The following SLC16A1 variants were observed in gnomAD, a reference collection of about 807,000 sequenced individuals.
SLC16A1 encodes the protein monocarboxylate transporter 1.
Under a neutral mutation model 32.2 loss-of-function variants are expected in SLC16A1, and 11 were observed. The observed-to-expected ratio is 0.34, with a 90% CI of 0.21 to 0.56. The LOEUF is 0.56. Ranked by LOEUF, SLC16A1 falls within the 20% of genes least tolerant of loss-of-function variation. SLC16A1 has a pLI of 0.87. For missense variants in SLC16A1, 435 were observed against 615.0 expected (o/e 0.71, Z 3.10); for synonymous variants, 231 against 226.8 (o/e 1.02, Z -0.17).
Position 112,913,862 on chromosome 1 carries a change from T to G in SLC16A1, c.*29A>C, listed in dbSNP as rs781372315. On this transcript the variant is annotated 3_prime_UTR_variant, in exon 5 of 5. Transcript: ENST00000369626. Reference sequence around the variant, plus strand: ...TTTTCAGATATCCTGGGTCATGAACTGCTCAATTTACCCTTCAGCCCCATG... The same window carrying G: ...TTTTCAGATATCCTGGGTCATGAACGGCTCAATTTACCCTTCAGCCCCATG... The G allele has an allele frequency of 6.2e-7, 1 of 1,613,894 alleles. No homozygotes were observed. Among genetic ancestry groups the G allele is most frequent in the Non-Finnish European group, 8.5e-7 (1 of 1,179,754 alleles).
intron 2 of SLC16A1, chr1:112,923,790 T>C: frequency 6.7e-7 from 1 of 1,496,998 alleles, no homozygotes; most frequent in Non-Finnish European, 9.3e-7. Context: ...CTATGCCACC[T>C]GGGAAGTGGC....
At chr1:112,914,209 C>T in intron 4 of SLC16A1, 44 bp from the exon 5 acceptor site, 1 of 1,610,372 alleles carries the variant, frequency 6.2e-7, no homozygotes, top group Non-Finnish European at 8.5e-7. Context: ...TAAGAGTAAA[C>T]AGTTTTTTTT....
intron 1 of SLC16A1, among the ~76,000 whole-genome samples, chr1:112,950,269 C>G (rs914281943): frequency 2.6e-5 from 4 of 152,142 alleles, no homozygotes; most frequent in African/African-American, 9.7e-5. Flanking sequence ...CAATAAAGTA[C>G]AAACATAAGT....
rs957396161 is a variant in SLC16A1 at position 112,913,644 on chromosome 1, C to G, written c.*247G>C. 1 of 542,980 alleles carries G rather than the reference C, an allele frequency of 1.8e-6. No homozygotes were observed. Among genetic ancestry groups the G allele is most frequent in the Non-Finnish European group, 3.3e-6 (1 of 302,496 alleles). The allele number at this position is 542,980 out of a possible 1,614,324, so 33.6% of individuals were successfully genotyped here. The stretch of plus-strand genomic sequence containing the variant: ...ATAATCTTTATGACACTATTAAAAG[C>G]TAAGATTAAAACAAAACAAAACAGA... On this transcript the variant is annotated 3_prime_UTR_variant, in exon 5 of 5. Coordinates refer to ENST00000369626, the MANE Select transcript of SLC16A1 (RefSeq NM_003051.4).
intron 1 of SLC16A1, among the ~76,000 whole-genome samples, chr1:112,930,662 C>A (rs1649095251): frequency 6.6e-6 from 1 of 151,984 alleles, no homozygotes; most frequent in South Asian, 2.1e-4. Flanking sequence ...AACCAAATGC[C>A]CCATTTGACT....
chr1:112,934,934 A>C (rs189226924), intron 1 of SLC16A1, among the ~76,000 whole-genome samples: 1 of 152,364 alleles, frequency 6.6e-6, no homozygotes, highest in East Asian at 1.9e-4. Flanking sequence ...ACGCAATGCC[A>C]ATCTAACACA....
chr1:112,916,516 A>C (rs1557843668), intron 4 of SLC16A1, among the ~76,000 whole-genome samples: 1 of 151,396 alleles, frequency 6.6e-6, no homozygotes, highest in Non-Finnish European at 1.5e-5. Flanking sequence ...AAAAAAAAAA[A>C]AAAAAACTTA....
chr1:112,935,186 G>C (rs988819858), intron 1 of SLC16A1, among the ~76,000 whole-genome samples: 2 of 152,012 alleles, frequency 1.3e-5, no homozygotes, highest in Non-Finnish European at 2.9e-5. Flanking sequence ...AGGCCGAGGA[G>C]AGTGGATCAC....
chr1:112,937,216 A>G (rs1369558413), intron 1 of SLC16A1, among the ~76,000 whole-genome samples: 2 of 152,230 alleles, frequency 1.3e-5, no homozygotes, highest in Non-Finnish European at 2.9e-5. Context: ...AGAACAGCTA[A>G]TACGTGCTGG....
At chr1:112,924,329 C>T (rs866911339) in intron 2 of SLC16A1, 1 of 1,336,826 alleles carries the variant, frequency 7.5e-7, no homozygotes, top group Non-Finnish European at 1.1e-6. Flanking sequence ...ACGAATGTCC[C>T]AACTACTTCC....
intron 2 of SLC16A1, chr1:112,924,252 G>A: frequency 6.7e-7 from 1 of 1,501,196 alleles, no homozygotes; most frequent in Non-Finnish European, 9.3e-7. Context: ...CTTGGCAGCG[G>A]CAGAGGAAGG....
In SLC16A1 at chr1:112,912,394, T is replaced by TA. The variant is rs1648351413; in HGVS notation, c.*1496dup. The TA allele has an allele frequency of 2.0e-5, 3 of 152,256 alleles. No individual in the cohort carries two copies. Among genetic ancestry groups the TA allele is most frequent in the South Asian group, 4.1e-4 (2 of 4,838 alleles). 9.4% of individuals were successfully genotyped at this position (152,256 alleles called of 1,614,324 possible). ...TGTTTATTTGGAAAAGTCAGCCTCT[T>TA]ACACAAGGTTTTGTATCTATACTTT... is the stretch of plus-strand genomic sequence containing the variant. On this transcript the variant is annotated 3_prime_UTR_variant, in exon 5 of 5. Coordinates refer to ENST00000369626, the MANE Select transcript of SLC16A1 (RefSeq NM_003051.4).
At position 112,917,100 on chromosome 1, in the gene SLC16A1, T is replaced by C. The variant is rs768228082; in HGVS notation, c.1228+78A>G. 3 of 1,572,016 alleles carry C rather than the reference T, an allele frequency of 1.9e-6. No homozygotes were observed. Among genetic ancestry groups the C allele is most frequent in the African/African-American group, 1.3e-5 (1 of 74,132 alleles). ...TATTCTTACCCAAATAGCTCACTAATGTTTGCTTTCTGTCAGCATTCCCAT... is the reference window on the plus strand; with the variant it reads ...TATTCTTACCCAAATAGCTCACTAACGTTTGCTTTCTGTCAGCATTCCCAT... On this transcript the variant is annotated intron_variant, in intron 4 of 4. Coordinates refer to ENST00000369626, the MANE Select transcript of SLC16A1 (RefSeq NM_003051.4). The surrounding 1 kb of genome is among the most constrained non-coding windows in gnomAD (Gnocchi z 4.1).
chr1:112,933,598 A>G (rs1050358551), intron 1 of SLC16A1, among the ~76,000 whole-genome samples: 10 of 152,248 alleles, frequency 6.6e-5, no homozygotes, highest in African/African-American at 2.2e-4. Context: ...AAAAAAAGCA[A>G]AAGATCTAAA....
chr1:112,933,235 T>G (rs1250564919), intron 1 of SLC16A1, among the ~76,000 whole-genome samples: 1 of 152,058 alleles, frequency 6.6e-6, no homozygotes, highest in Non-Finnish European at 1.5e-5. Flanking sequence ...TTTGGGAGGC[T>G]GAGGCGGGAG....
At chr1:112,947,255 C>A (rs1314039695) in intron 1 of SLC16A1, among the ~76,000 whole-genome samples, 1 of 152,132 alleles carries the variant, frequency 6.6e-6, no homozygotes, top group Non-Finnish European at 1.5e-5. Flanking sequence ...TAACACATAA[C>A]CTACCCTGTT....
At chr1:112,930,361 T>C (rs2101634613) in intron 1 of SLC16A1, among the ~76,000 whole-genome samples, 1 of 152,210 alleles carries the variant, frequency 6.6e-6, no homozygotes, top group East Asian at 1.9e-4. Context: ...GTTACAGTAG[T>C]GTTTTGTGAT....
chr1:112,928,615 G>A (rs569013405), intron 2 of SLC16A1, among the ~76,000 whole-genome samples: 11 of 152,118 alleles, frequency 7.2e-5, no homozygotes, highest in East Asian at 1.9e-4. Flanking sequence ...TCATAACATC[G>A]CAAGTAATAC....
At chr1:112,949,716 A>T (rs1218976051) in intron 1 of SLC16A1, among the ~76,000 whole-genome samples, 6 of 151,618 alleles carry the variant, frequency 4.0e-5, no homozygotes, top group Admixed American at 3.9e-4. Flanking sequence ...TTTTTTCTTA[A>T]ACAAATAGAG....
Sources: allele counts gnomAD v4.1 joint callset (sites outside exome capture counted in the v4.1 genomes callset), GRCh38; gene constraint gnomAD v4.1.1; non-coding constraint Gnocchi (gnomAD v3.1); transcripts MANE v1.5; gene names NCBI Gene and HGNC (gene_info 2026-07-23, HGNC 2026-07-21).